The following ADGRV1 variants were observed in gnomAD, a reference collection of about 807,000 sequenced individuals.
ADGRV1 encodes the protein G-protein coupled receptor 98.
A neutral mutation model predicts 596.2 loss-of-function variants in ADGRV1; 359 were observed. The ratio of observed to expected loss-of-function variants is 0.60; its 90% CI spans 0.55 to 0.66. The LOEUF (loss-of-function observed/expected upper bound fraction) is 0.66, where lower values mean the gene tolerates loss of function less well. ADGRV1 is among the 30% of genes least tolerant of loss of function. The pLI is 0.00. For missense variants in ADGRV1, 7,274 were observed against 7,575.6 expected, an observed-to-expected ratio of 0.96 and a Z score of 1.48; for synonymous variants, 2,681 against 2,679.2, an observed-to-expected ratio of 1.00 and a Z score of -0.02.
intron 1 of ADGRV1, among the ~76,000 whole-genome samples, chr5:90,579,243 A>G (rs916166625): frequency 3.9e-5 from 6 of 152,110 alleles, no homozygotes; most frequent in Non-Finnish European, 7.4e-5. Flanking sequence ...GTGGGCATTT[A>G]GTGCTATAAA....
At chr5:91,152,085 A>T (rs1796109924) in intron 88 of ADGRV1, among the ~76,000 whole-genome samples, 1 of 152,210 alleles carries the variant, frequency 6.6e-6, no homozygotes, top group African/African-American at 2.4e-5. Context: ...TTGGGTGCTC[A>T]CTTGGGTGTT....
chr5:90,790,773 A>T, intron 69 of ADGRV1, 100 bp from the exon 70 acceptor site: 1 of 674,042 alleles, frequency 1.5e-6, no homozygotes, highest in South Asian at 2.2e-5. Flanking sequence ...GCACAATTAT[A>T]TTTTTTTTTT....
chr5:90,984,001 G>A (rs1780287719), intron 84 of ADGRV1, among the ~76,000 whole-genome samples: 1 of 152,108 alleles, frequency 6.6e-6, no homozygotes, highest in Admixed American at 6.5e-5. Flanking sequence ...CTTTCACACT[G>A]TCTGACCTCT....
rs1340724121 is a variant in ADGRV1, at chr5:90,802,902, G to T, written c.14661+20G>T. ...TCTCAGGTAATTGGCCCTGTGTGTG[G>T]TTCTCTCAGCAGAACACTAGAGGGC... On this transcript the variant is annotated intron_variant, in intron 71 of 89. Coordinates refer to ENST00000405460, the MANE Select transcript of ADGRV1 (RefSeq NM_032119.4). 1.3e-6 allele frequency: 2 copies of T among 1,589,876 alleles called. No individual in the cohort carries two copies. Among genetic ancestry groups the T allele is most frequent in the Non-Finnish European group, 1.7e-6 (2 of 1,167,160 alleles).
chr5:90,812,038 C>G (rs867770219), intron 74 of ADGRV1, among the ~76,000 whole-genome samples: 1 of 150,992 alleles, frequency 6.6e-6, no homozygotes, highest in Admixed American at 6.6e-5. Flanking sequence ...AAGCAGTTCT[C>G]TGACTCAGCT....
At chr5:91,046,367 A>G (rs1785809367) in intron 85 of ADGRV1, among the ~76,000 whole-genome samples, 1 of 152,182 alleles carries the variant, frequency 6.6e-6, no homozygotes, top group Non-Finnish European at 1.5e-5. Flanking sequence ...AAAGTCAAAT[A>G]CAGCCAACTG....
intron 1 of ADGRV1, 176 bp from the exon 2 acceptor site, chr5:90,614,658 GT>G: frequency 1.5e-6 from 1 of 671,376 alleles, no homozygotes; most frequent in Admixed American, 2.1e-5. Context: ...ATAGAATCGT[GT>G]TTTTTTAACT....
At chr5:91,125,783 A>T (rs1407576273) in intron 87 of ADGRV1, among the ~76,000 whole-genome samples, 2 of 152,246 alleles carry the variant, frequency 1.3e-5, no homozygotes, top group African/African-American at 4.8e-5. Context: ...TAACCAGATC[A>T]ACAGAGCTTA....
intron 78 of ADGRV1, chr5:90,846,409 G>A (rs16869164): frequency 1.3e-5 from 2 of 156,348 alleles, no homozygotes; most frequent in East Asian, 1.9e-4. Flanking sequence ...AGGTAATGGA[G>A]TAAGTGGCTT....
In ADGRV1 at chr5:90,629,404, G is replaced by T; in HGVS notation, c.1704G>T (p.Leu568Phe). ...TTCCTGCTGGAGCTGTGGACCCCTT[G>T]CAAGCAAAAGAAGGCATCTTAAATA... is the stretch of plus-strand genomic sequence containing the variant. ...LYIPAGAVDP[L>F]QAKEGILNIS... Residue 568 changes from leucine (L) to phenylalanine (F), a missense_variant, in exon 9 of 90, where the codon TTG becomes TTT. Coordinates refer to ENST00000405460, the MANE Select transcript of ADGRV1 (RefSeq NM_032119.4). The T allele has an allele frequency of 1.2e-6, 2 of 1,613,526 alleles. No homozygotes were observed. Among genetic ancestry groups the T allele is most frequent in the Non-Finnish European group, 1.7e-6 (2 of 1,179,824 alleles).
At chr5:90,857,968 C>T (rs376276592) in intron 82 of ADGRV1, among the ~76,000 whole-genome samples, 101 of 152,124 alleles carry the variant, frequency 6.6e-4, no homozygotes, top group African/African-American at 2.1e-3. Flanking sequence ...CACAATGTAT[C>T]GGTACCAATT....
chr5:90,759,963 C>CAAAAAAAAAAAAAAAA (rs34526448), intron 58 of ADGRV1: 1 of 14,880 alleles, frequency 6.7e-5, no homozygotes, highest in African/African-American at 3.0e-4. Flanking sequence ...GACTCCATCT[C>CAAAAAAAAAAAAAAAA]AAAAAAAAAA....
chr5:90,989,192 T>C (rs1562052399), intron 85 of ADGRV1, among the ~76,000 whole-genome samples: 3 of 151,958 alleles, frequency 2.0e-5, no homozygotes, highest in Non-Finnish European at 1.5e-5. Context: ...TATTTCTAGT[T>C]CTAGATCCCT....
In ADGRV1 at chr5:91,145,020, C is replaced by T. The variant is rs187889083; in HGVS notation, c.18433-5010C>T. Among the ~76,000 whole-genome samples the T allele has an allele frequency of 1.3e-3, 205 of 152,346 alleles. 2 individuals are homozygous for T. The highest frequency in any genetic ancestry group is 4.4e-3 in the African/African-American group (182 of 41,588). ...ATCCTGAGGTCAGAAACCTCCACAG[C>T]TGAGTACTTTGGATAATGAAAGTCC... On this transcript the variant is annotated intron_variant, in intron 87 of 89. Transcript: ENST00000405460.
chr5:91,018,965 G>A (rs1441726875), intron 85 of ADGRV1, among the ~76,000 whole-genome samples: 1 of 151,916 alleles, frequency 6.6e-6, no homozygotes, highest in African/African-American at 2.4e-5. Flanking sequence ...GCCTCCCTCA[G>A]GGTGGCAACA....
At chr5:90,976,350 G>GTATA (rs1409786696) in intron 84 of ADGRV1, among the ~76,000 whole-genome samples, 1 of 108,174 alleles carries the variant, frequency 9.2e-6, no homozygotes, top group Non-Finnish European at 2.0e-5. Context: ...ATATATATAT[G>GTATA]TATATGTATA....
chr5:91,116,986 A>G (rs561003204), intron 87 of ADGRV1, among the ~76,000 whole-genome samples: 8 of 152,230 alleles, frequency 5.3e-5, no homozygotes, highest in African/African-American at 1.4e-4. Flanking sequence ...GAGGAGTACT[A>G]TGCAGAGTCA....
chr5:90,596,122 C>G (rs1480256527), intron 1 of ADGRV1, among the ~76,000 whole-genome samples: 3 of 149,282 alleles, frequency 2.0e-5, no homozygotes, highest in East Asian at 4.0e-4. Context: ...GGGTGGCGGC[C>G]GGGCAGAGGC....
chr5:91,157,173 G>A (rs1240909586), intron 89 of ADGRV1, among the ~76,000 whole-genome samples: 1 of 152,048 alleles, frequency 6.6e-6, no homozygotes, highest in Non-Finnish European at 1.5e-5. Context: ...CTTCACTATG[G>A]CCCATTCCAA....
Sources: allele counts gnomAD v4.1 joint callset (sites outside exome capture counted in the v4.1 genomes callset), GRCh38; gene constraint gnomAD v4.1.1; transcripts MANE v1.5; gene names NCBI Gene and HGNC (gene_info 2026-07-23, HGNC 2026-07-21).